Variants in DISP1 observed in about 807,000 individuals in gnomAD.
DISP1 encodes dispatched RND transporter family member 1, also known as protein dispatched homolog 1.
A neutral mutation model predicts 37.3 loss-of-function variants in DISP1; 30 were observed. The ratio of observed to expected loss-of-function variants is 0.80; its 90% CI spans 0.60 to 1.09. The LOEUF (loss-of-function observed/expected upper bound fraction) is 1.09. Ranked by LOEUF, DISP1 falls within the 50% of genes least tolerant of loss-of-function variation. DISP1 has a pLI of 0.00. For missense variants in DISP1, 1,598 were observed against 1,879.5 expected (o/e 0.85, Z 2.77); for synonymous variants, 634 against 690.2 (o/e 0.92, Z 1.28).
intron 3 of DISP1, among the ~76,000 whole-genome samples, chr1:222,953,004 C>T (rs61840890): frequency 0.48 from 73,655 of 152,036 alleles, 19,295 homozygotes; most frequent in Non-Finnish European, 0.59. Flanking sequence ...GAGTCAAAAA[C>T]TATCATCTTA....
intron 1 of DISP1, among the ~76,000 whole-genome samples, chr1:222,890,024 C>T (rs551972258): frequency 6.6e-5 from 10 of 152,240 alleles, no homozygotes; most frequent in African/African-American, 2.4e-4. Flanking sequence ...GTTATCATCT[C>T]CAAACTGTTA....
Position 223,002,514 on chromosome 1 carries a change from C to T in DISP1, c.1117C>T (p.Arg373Ter), listed in dbSNP as rs377667175. 4.3e-6 allele frequency: 7 copies of T among 1,613,998 alleles called. No individual in the cohort carries two copies. Among genetic ancestry groups the T allele is most frequent in the East Asian group, 2.2e-5 (1 of 44,888 alleles). Residue 373 changes from arginine to a stop codon, truncating the protein, a stop_gained, in exon 9 of 9, where the codon CGA becomes TGA. Transcript: ENST00000675850. LOFTEE classifies it low-confidence loss of function (END_TRUNC). ...ATCGTCCTGTCAGAAAATAGTTGAG[C>T]GAGACGTTTCTCATACCTTGAAGCT... is the stretch of plus-strand genomic sequence containing the variant. ...NRSSCQKIVE[R>*]DVSHTLKLLR...
intron 1 of DISP1, among the ~76,000 whole-genome samples, chr1:222,836,641 C>T (rs1223266869): frequency 6.6e-6 from 1 of 151,714 alleles, no homozygotes; most frequent in Non-Finnish European, 1.5e-5. Flanking sequence ...TATCAAGGTC[C>T]TTTCCACCTA....
intron 1 of DISP1, among the ~76,000 whole-genome samples, chr1:222,891,941 A>G (rs1365611847): frequency 2.6e-5 from 4 of 152,078 alleles, no homozygotes; most frequent in African/African-American, 9.7e-5. Flanking sequence ...AAGATGGTAG[A>G]GAGCTTAGGA....
chr1:222,934,968 T>C (rs1048777615), intron 2 of DISP1, among the ~76,000 whole-genome samples: 3 of 152,196 alleles, frequency 2.0e-5, no homozygotes, highest in Non-Finnish European at 4.4e-5. Flanking sequence ...TCAACTGTTA[T>C]CATTTCCCTA....
intron 1 of DISP1, among the ~76,000 whole-genome samples, chr1:222,887,907 G>A (rs971470924): frequency 2.6e-5 from 4 of 152,190 alleles, no homozygotes; most frequent in South Asian, 2.1e-4. Context: ...GGTCACAATA[G>A]CAGAGAAGTG....
At chr1:222,989,224 A>G (rs1012344516) in intron 4 of DISP1, among the ~76,000 whole-genome samples, 20 of 152,240 alleles carry the variant, frequency 1.3e-4, no homozygotes, top group Non-Finnish European at 2.8e-4. Flanking sequence ...ACTCAAAAAT[A>G]TATGAGTAAG....
At chr1:222,887,450 C>A (rs77578874) in intron 1 of DISP1, among the ~76,000 whole-genome samples, 11,512 of 147,564 alleles carry the variant, frequency 0.078, 558 homozygotes, top group East Asian at 0.24. Flanking sequence ...TAATAGTTTC[C>A]TGAATTAGGT....
intron 3 of DISP1, among the ~76,000 whole-genome samples, chr1:222,958,259 C>T (rs765845867): frequency 3.9e-5 from 6 of 152,064 alleles, no homozygotes; most frequent in South Asian, 2.1e-4. Flanking sequence ...ATGTTTCCAG[C>T]GGGAAAATTG....
At chr1:222,928,936 A>G (rs532912130) in intron 2 of DISP1, among the ~76,000 whole-genome samples, 1 of 152,314 alleles carries the variant, frequency 6.6e-6, no homozygotes, top group African/African-American at 2.4e-5. Context: ...TTTTCAAAAT[A>G]TGTGCTTGCC....
At chr1:222,992,577 A>T (rs182236073) in intron 7 of DISP1, among the ~76,000 whole-genome samples, 1 of 152,214 alleles carries the variant, frequency 6.6e-6, no homozygotes, top group Non-Finnish European at 1.5e-5. Context: ...AAGCAATACT[A>T]TATTAAGAGC....
At chr1:222,949,228 C>T (rs1675031893) in intron 3 of DISP1, among the ~76,000 whole-genome samples, 2 of 152,226 alleles carry the variant, frequency 1.3e-5, no homozygotes, top group African/African-American at 4.8e-5. Flanking sequence ...AACCCTGTCT[C>T]TGCTAAACTA....
chr1:222,963,006 G>A (rs1676179966), intron 3 of DISP1, among the ~76,000 whole-genome samples: 1 of 152,162 alleles, frequency 6.6e-6, no homozygotes, highest in South Asian at 2.1e-4. Context: ...TACAGAATGG[G>A]AGAAAATTTT....
At chr1:222,998,219 C>A (rs114490887) in intron 8 of DISP1, among the ~76,000 whole-genome samples, 2,524 of 151,548 alleles carry the variant, frequency 0.017, 64 homozygotes, top group South Asian at 0.1. Flanking sequence ...CCTAAGACTA[C>A]TTGGCAGTTG....
intron 2 of DISP1, among the ~76,000 whole-genome samples, chr1:222,942,010 T>C (rs935041903): frequency 3.3e-5 from 5 of 151,682 alleles, no homozygotes; most frequent in African/African-American, 9.7e-5. Context: ...TGTCTGTTTT[T>C]TTGTTTGTTG....
chr1:222,950,591 C>T (rs115520148), intron 3 of DISP1, among the ~76,000 whole-genome samples: 11,641 of 151,270 alleles, frequency 0.077, 524 homozygotes, highest in South Asian at 0.17. Context: ...CAGAGCGAGA[C>T]TCCGTCTCAA....
At chr1:222,873,676 G>T (rs1302257490) in intron 1 of DISP1, among the ~76,000 whole-genome samples, 1 of 152,014 alleles carries the variant, frequency 6.6e-6, no homozygotes, top group Non-Finnish European at 1.5e-5. Flanking sequence ...GTTTCTGCAC[G>T]TGAGATGGGT....
intron 3 of DISP1, among the ~76,000 whole-genome samples, chr1:222,971,615 A>G (rs867112827): frequency 1.3e-5 from 2 of 152,110 alleles, no homozygotes; most frequent in Non-Finnish European, 2.9e-5. Flanking sequence ...AACTAAGCAA[A>G]TGTTGGAGGA....
chr1:222,947,575 G>A (rs1352607817), intron 3 of DISP1, among the ~76,000 whole-genome samples: 6 of 152,166 alleles, frequency 3.9e-5, no homozygotes, highest in Non-Finnish European at 7.3e-5. Flanking sequence ...CAGACCAGAA[G>A]TGGAATTACT....
Sources: gnomAD v4.1 joint callset for allele counts (sites outside exome capture counted in the v4.1 genomes callset) on GRCh38, gnomAD v4.1.1 for gene constraint, MANE v1.5 for transcripts, NCBI Gene and HGNC (gene_info 2026-07-23, HGNC 2026-07-21) for gene names.